The following VPS8 variants were observed in gnomAD, a reference collection of about 807,000 sequenced individuals.
VPS8 encodes the protein vacuolar protein sorting-associated protein 8 homolog.
Under a neutral mutation model 216.4 loss-of-function variants are expected in VPS8, and 129 were observed. The observed-to-expected ratio is 0.60, with a 90% confidence interval of 0.52 to 0.69. The LOEUF (loss-of-function observed/expected upper bound fraction) is 0.69, where lower values mean the gene tolerates loss of function less well. Among genes scored for constraint, VPS8 ranks in the 30% least tolerant of loss-of-function variants. The probability of loss-of-function intolerance (pLI) is 0.00; values close to 1 mark genes in which losing one functional copy is unlikely to be tolerated. For synonymous variants in VPS8, 571 were observed against 565.4 expected (o/e 1.01, Z -0.14); for missense variants, 1,531 against 1,683.5 (o/e 0.91, Z 1.59).
At chr3:184,820,470 C>T (rs949052884) in intron 1 of VPS8, among the ~76,000 whole-genome samples, 1 of 152,188 alleles carries the variant, frequency 6.6e-6, no homozygotes. Flanking sequence ...CTGTCAAGGT[C>T]TTAATTTAAC....
At chr3:184,911,552 G>T (rs1736532536) in intron 25 of VPS8, among the ~76,000 whole-genome samples, 1 of 152,202 alleles carries the variant, frequency 6.6e-6, no homozygotes, top group Admixed American at 6.5e-5. Flanking sequence ...TAGAGAGTGG[G>T]CAAGAGGGAA....
At chr3:184,940,029 A>G (rs1422304978) in intron 35 of VPS8, among the ~76,000 whole-genome samples, 168 bp from the exon 36 acceptor site, 2 of 152,188 alleles carry the variant, frequency 1.3e-5, no homozygotes, top group Admixed American at 1.3e-4. Context: ...TTGAGAAGAC[A>G]TAACCTCCAG....
intron 24 of VPS8, 89 bp from the exon 25 acceptor site, chr3:184,900,832 C>T (rs912077244): frequency 3.9e-5 from 44 of 1,115,440 alleles, no homozygotes; most frequent in African/African-American, 2.4e-4. Context: ...ATTCCATTAG[C>T]GAATGGTGAT....
At chr3:184,938,327 G>A (rs2109305103) in intron 35 of VPS8, among the ~76,000 whole-genome samples, 1 of 152,306 alleles carries the variant, frequency 6.6e-6, no homozygotes, top group Non-Finnish European at 1.5e-5. Flanking sequence ...AACATTAAGT[G>A]CTGAGGATAC....
At position 185,052,213 on chromosome 3, in the gene VPS8, G is replaced by A. The variant is rs1714405554; in HGVS notation, c.*188G>A. On this transcript the variant is annotated 3_prime_UTR_variant, in exon 48 of 48. Transcript: ENST00000625842. ...GTAGACTCCCAGTCTTCTCCACATT[G>A]CTGTCATGGCGTCAGTTCACCAGAC... The A allele has an allele frequency of 1.8e-6, 1 of 549,854 alleles. No homozygotes were observed. Among genetic ancestry groups the A allele is most frequent in the Non-Finnish European group, 3.1e-6 (1 of 326,750 alleles). 34.1% of individuals were successfully genotyped at this position (549,854 alleles called of 1,614,324 possible).
intron 1 of VPS8, among the ~76,000 whole-genome samples, chr3:184,821,382 T>A (rs952746583): frequency 6.6e-6 from 1 of 152,048 alleles, no homozygotes; most frequent in Non-Finnish European, 1.5e-5. Flanking sequence ...CTTGCTCTGT[T>A]GCCCAGGCTG....
chr3:184,836,254 G>A (rs1721066193), intron 5 of VPS8: 1 of 456,498 alleles, frequency 2.2e-6, no homozygotes, highest in South Asian at 1.5e-5. Flanking sequence ...TAGGTGGAGA[G>A]TAACTCATAT....
intron 46 of VPS8, among the ~76,000 whole-genome samples, chr3:185,039,785 A>T (rs561226212): frequency 4.6e-5 from 7 of 152,278 alleles, no homozygotes; most frequent in African/African-American, 1.7e-4. Context: ...AGTATGAAAC[A>T]TGCAGTAGAA....
chr3:184,969,990 A>G (rs557742431), intron 39 of VPS8, among the ~76,000 whole-genome samples: 72 of 143,988 alleles, frequency 5.0e-4, no homozygotes, highest in Non-Finnish European at 9.1e-4. Flanking sequence ...GCTCACTGCA[A>G]CCTCTGCCTC....
chr3:184,928,395 T>C, intron 31 of VPS8, 56 bp from the exon 32 acceptor site: 1 of 1,434,326 alleles, frequency 7.0e-7, no homozygotes, highest in South Asian at 1.4e-5. Context: ...CTGAATGCAC[T>C]CTTAAAGAGC....
intron 39 of VPS8, among the ~76,000 whole-genome samples, chr3:184,968,065 A>G (rs1022510905): frequency 6.6e-6 from 1 of 152,030 alleles, no homozygotes; most frequent in African/African-American, 2.4e-5. Context: ...CCTGGCAAAT[A>G]CCGTCTTACT....
intron 14 of VPS8, among the ~76,000 whole-genome samples, chr3:184,856,305 A>G (rs1161521860): frequency 6.6e-6 from 1 of 152,232 alleles, no homozygotes; most frequent in Admixed American, 6.5e-5. Context: ...GGATTGAACT[A>G]TGTGATGAAA....
chr3:184,992,485 A>G (rs2109838809), intron 42 of VPS8, among the ~76,000 whole-genome samples: 1 of 152,210 alleles, frequency 6.6e-6, no homozygotes, highest in Admixed American at 6.6e-5. Flanking sequence ...TTCAAATCCC[A>G]TCTTATCTGC....
At chr3:185,031,062 C>CTTTTTTTTTTTTTTTT (rs1561198896) in intron 46 of VPS8, among the ~76,000 whole-genome samples, 15 of 75,260 alleles carry the variant, frequency 2.0e-4, no homozygotes, top group African/African-American at 9.6e-4. Flanking sequence ...TACAGGTTGG[C>CTTTTTTTTTTTTTTTT]GTTTTTTTTT....
intron 45 of VPS8, among the ~76,000 whole-genome samples, chr3:185,010,844 T>G (rs139851485): frequency 0.011 from 1,636 of 151,880 alleles, 31 homozygotes; most frequent in African/African-American, 0.037. Context: ...TCTACCGAAA[T>G]TTTTAAAAAA....
At chr3:184,973,906 A>G (rs1235021924) in intron 40 of VPS8, among the ~76,000 whole-genome samples, 1 of 152,026 alleles carries the variant, frequency 6.6e-6, no homozygotes, top group Non-Finnish European at 1.5e-5. Flanking sequence ...ATACCATTCT[A>G]TTGTATATAT....
At chr3:184,872,986 A>G (rs1228323081) in intron 21 of VPS8, among the ~76,000 whole-genome samples, 1 of 152,156 alleles carries the variant, frequency 6.6e-6, no homozygotes, top group Non-Finnish European at 1.5e-5. Flanking sequence ...TGAACTTGTA[A>G]GACTGTCAGA....
chr3:185,048,560 G>T lies in VPS8; in HGVS notation c.4137+1G>T. ...CCGTCTCTACCGAGGAAGCTCCAGG[G>T]TAATGTTTGCGTGGTTGTTTATATT... On this transcript the variant is annotated splice_donor_variant, in intron 47 of 47. Transcript: ENST00000625842. LOFTEE classifies it high-confidence loss of function. 1 of 1,613,786 alleles carries T rather than the reference G, an allele frequency of 6.2e-7. No homozygotes were observed. Among genetic ancestry groups the T allele is most frequent in the Non-Finnish European group, 8.5e-7 (1 of 1,179,888 alleles).
intron 22 of VPS8, among the ~76,000 whole-genome samples, chr3:184,891,029 A>C (rs930052856): frequency 2.6e-5 from 4 of 152,118 alleles, no homozygotes; most frequent in Non-Finnish European, 5.9e-5. Context: ...ATAGATCCAG[A>C]GTTTATGTAA....
Sources: allele counts gnomAD v4.1 joint callset (sites outside exome capture counted in the v4.1 genomes callset), GRCh38; gene constraint gnomAD v4.1.1; transcripts MANE v1.5; gene names NCBI Gene and HGNC (gene_info 2026-07-23, HGNC 2026-07-21).